ASPRV1: variants seen among roughly 807,000 people sequenced by gnomAD.
ASPRV1 encodes the protein aspartic peptidase retroviral like 1.
In ASPRV1, 7 loss-of-function variants were observed where a neutral mutation model predicts 11.0. The observed-to-expected ratio is 0.64, with a 90% CI of 0.36 to 1.20. ASPRV1 has a LOEUF of 1.20. ASPRV1 is among the 50% of genes most tolerant of loss of function. The pLI, the probability that ASPRV1 is intolerant of heterozygous loss-of-function variation, is 0.02. For synonymous variants in ASPRV1, 136 were observed against 138.4 expected, an observed-to-expected ratio of 0.98 and a Z score of 0.12; for missense variants, 299 against 320.0, an observed-to-expected ratio of 0.93 and a Z score of 0.50.
chr2:69,950,809 C>T, the ASPRV1 span, among the ~76,000 whole-genome samples: 1 of 149,996 alleles, frequency 6.7e-6, no homozygotes, highest in Non-Finnish European at 1.5e-5. Flanking sequence ...CATCACTGCA[C>T]TCCAGCATGG....
chr2:69,995,038 A>G, the ASPRV1 span, among the ~76,000 whole-genome samples: 1 of 150,938 alleles, frequency 6.6e-6, no homozygotes, highest in African/African-American at 2.4e-5. Context: ...TTAATTAATT[A>G]AACAGAATAA....
the ASPRV1 span, among the ~76,000 whole-genome samples, chr2:70,065,610 G>T: frequency 6.6e-6 from 1 of 151,530 alleles, no homozygotes; most frequent in African/African-American, 2.4e-5. Flanking sequence ...TTAAAAGCAG[G>T]GGCAGGGTGC....
Position 69,960,874 on chromosome 2 carries a change from A to G in ASPRV1, c.563T>C (p.Phe188Ser). 2 of 1,614,024 alleles carry G rather than the reference A, an allele frequency of 1.2e-6. No homozygotes were observed. Among genetic ancestry groups the G allele is most frequent in the Admixed American group, 3.3e-5 (2 of 60,008 alleles). ...CTCGGCACTCGCATTGGCCACTAGG[A>G]ACTGTGCCTTCAGCTTCAGCTTGCC... ...SLGKLKLKAQ[F>S]LVANASAEEA... The change falls in exon 1 of 1, where the codon TTC (phenylalanine) becomes TCC (serine). Residue 188 changes from phenylalanine to serine, a missense_variant. Transcript: ENST00000320256.
At chr2:69,937,285 G>A in the ASPRV1 span, 2 of 1,614,212 alleles carry the variant, frequency 1.2e-6, no homozygotes, top group Non-Finnish European at 1.7e-6. Context: ...ACCAGCTTCA[G>A]CGAGAGCAGC....
the ASPRV1 span, chr2:70,083,553 G>A: frequency 6.6e-6 from 1 of 152,180 alleles, no homozygotes; most frequent in Non-Finnish European, 1.5e-5. Context: ...GTCACTGAGA[G>A]GAGGCGAGTC....
the ASPRV1 span, among the ~76,000 whole-genome samples, chr2:69,932,791 T>C: frequency 2.0e-5 from 3 of 152,234 alleles, no homozygotes; most frequent in South Asian, 6.2e-4. Flanking sequence ...CACACACTCA[T>C]ATCTGCATAT....
the ASPRV1 span, among the ~76,000 whole-genome samples, chr2:69,999,185 C>G: frequency 6.6e-6 from 1 of 152,152 alleles, no homozygotes; most frequent in African/African-American, 2.4e-5. Context: ...CAACGCACTA[C>G]AGCCTTCAGC....
downstream of ASPRV1, among the ~76,000 whole-genome samples, chr2:69,958,805 TCCC>T (rs1393113119): frequency 6.6e-6 from 1 of 151,868 alleles, no homozygotes; most frequent in African/African-American, 2.4e-5. Flanking sequence ...TTTCTCCAGT[TCCC>T]CCATCGCCTT....
chr2:69,996,456 C>A, the ASPRV1 span, among the ~76,000 whole-genome samples: 1 of 152,084 alleles, frequency 6.6e-6, no homozygotes. Context: ...ACACTGGACA[C>A]ATCTCAAATG....
At chr2:69,946,102 C>T in the ASPRV1 span, among the ~76,000 whole-genome samples, 6 of 152,186 alleles carry the variant, frequency 3.9e-5, no homozygotes, top group South Asian at 6.2e-4. Context: ...GACCAGTGGG[C>T]GTGGGAGAAC....
chr2:70,052,983 G>A, the ASPRV1 span, among the ~76,000 whole-genome samples: 1 of 152,136 alleles, frequency 6.6e-6, no homozygotes, highest in African/African-American at 2.4e-5. Flanking sequence ...GAGCAGAAAT[G>A]ACAGAGTCAA....
At chr2:69,997,136 T>C in the ASPRV1 span, among the ~76,000 whole-genome samples, 1 of 150,078 alleles carries the variant, frequency 6.7e-6, no homozygotes, top group Non-Finnish European at 1.5e-5. Context: ...CAGTGAGCTA[T>C]GATCGCACCA....
chr2:70,046,488 C>T, the ASPRV1 span: 1 of 152,154 alleles, frequency 6.6e-6, no homozygotes, highest in African/African-American at 2.4e-5. Flanking sequence ...CTAAAATCAG[C>T]CTAAGTATAA....
chr2:69,981,785 A>G, the ASPRV1 span, among the ~76,000 whole-genome samples: 1 of 152,120 alleles, frequency 6.6e-6, no homozygotes, highest in African/African-American at 2.4e-5. Flanking sequence ...TCCTGAACTC[A>G]TGACCTCAAG....
the ASPRV1 span, chr2:69,942,789 A>G: frequency 6.6e-6 from 1 of 152,228 alleles, no homozygotes; most frequent in Non-Finnish European, 1.5e-5. Context: ...CGCCAATGTA[A>G]ATCCTGTGTC....
chr2:70,074,923 G>C, the ASPRV1 span: 1 of 151,240 alleles, frequency 6.6e-6, no homozygotes, highest in Non-Finnish European at 1.5e-5. Flanking sequence ...GAGCATCCTG[G>C]CCAACATGGT....
chr2:69,984,211 G>C, the ASPRV1 span, among the ~76,000 whole-genome samples: 1 of 151,922 alleles, frequency 6.6e-6, no homozygotes, highest in Non-Finnish European at 1.5e-5. Flanking sequence ...GCTAATTTTT[G>C]TATTTTTAGT....
chr2:70,076,963 G>C, the ASPRV1 span, among the ~76,000 whole-genome samples: 3 of 152,146 alleles, frequency 2.0e-5, no homozygotes, highest in African/African-American at 7.2e-5. Context: ...TCAAACCACT[G>C]TAAGTCAGGG....
the ASPRV1 span, among the ~76,000 whole-genome samples, chr2:70,042,398 C>A: frequency 1.3e-5 from 2 of 152,132 alleles, no homozygotes; most frequent in Non-Finnish European, 1.5e-5. Context: ...CAAGAAAAGG[C>A]TCTAGTATCA....
Sources: gnomAD v4.1 joint callset for allele counts (sites outside exome capture counted in the v4.1 genomes callset) on GRCh38, gnomAD v4.1.1 for gene constraint, MANE v1.5 for transcripts, NCBI Gene and HGNC (gene_info 2026-07-23, HGNC 2026-07-21) for gene names.